Variants in ABCC9 observed in about 807,000 individuals in gnomAD.
ABCC9 encodes ATP binding cassette subfamily C member 9, also known as ATP-binding cassette sub-family C member 9.
In ABCC9, 95 loss-of-function variants were observed where a neutral mutation model predicts 188.3. The observed-to-expected ratio is 0.50, with a 90% CI of 0.43 to 0.60. The LOEUF is 0.60. Among genes scored for constraint, ABCC9 ranks in the 20% least tolerant of loss-of-function variants. The pLI is 0.00. For synonymous variants in ABCC9, 659 were observed against 652.7 expected, an observed-to-expected ratio of 1.01 and a Z score of -0.15; for missense variants, 1,102 against 1,876.3, an observed-to-expected ratio of 0.59 and a Z score of 7.62.
intron 15 of ABCC9, 94 bp from the exon 16 acceptor site, chr12:21,882,967 G>T: frequency 2.2e-6 from 2 of 929,606 alleles, no homozygotes; most frequent in South Asian, 1.4e-5. Context: ...TAAGTTCCAA[G>T]AAAAAGAAGT....
intron 37 of ABCC9, among the ~76,000 whole-genome samples, chr12:21,808,642 C>T (rs988611972): frequency 8.6e-5 from 13 of 151,884 alleles, no homozygotes; most frequent in African/African-American, 2.9e-4. Flanking sequence ...TAGTGGGGCA[C>T]CTATAGTCCC....
chr12:21,926,699 C>A (rs750129665), intron 4 of ABCC9, among the ~76,000 whole-genome samples: 5 of 152,112 alleles, frequency 3.3e-5, no homozygotes, highest in African/African-American at 4.8e-5. Context: ...ACTGACACTT[C>A]AAGAATCAGG....
chr12:21,876,806 C>G (rs1485507281), intron 16 of ABCC9, among the ~76,000 whole-genome samples: 1 of 152,198 alleles, frequency 6.6e-6, no homozygotes, highest in Non-Finnish European at 1.5e-5. Flanking sequence ...TCTAAGCACA[C>G]TGTTGTTTAG....
intron 28 of ABCC9, 79 bp from the exon 29 acceptor site, chr12:21,842,550 A>G (rs1944447960): frequency 2.1e-6 from 3 of 1,430,298 alleles, no homozygotes; most frequent in Non-Finnish European, 3.0e-6. Flanking sequence ...ACCTATTTTT[A>G]TGTTGATAGT....
chr12:21,822,936 G>C (rs1943144651), intron 31 of ABCC9, among the ~76,000 whole-genome samples: 1 of 152,202 alleles, frequency 6.6e-6, no homozygotes, highest in East Asian at 1.9e-4. Flanking sequence ...AAATGGCTTA[G>C]AGGCAATAAA....
At chr12:21,876,661 C>T (rs1347583689) in intron 16 of ABCC9, among the ~76,000 whole-genome samples, 1 of 152,106 alleles carries the variant, frequency 6.6e-6, no homozygotes, top group Non-Finnish European at 1.5e-5. Flanking sequence ...GGAAATAAAA[C>T]AGTAACAGAA....
chr12:21,875,618 G>T, intron 17 of ABCC9, 36 bp downstream of exon 17: 1 of 1,463,952 alleles, frequency 6.8e-7, no homozygotes, highest in Non-Finnish European at 9.6e-7. Flanking sequence ...TTACGGTCAT[G>T]AACAATTACA....
intron 2 of ABCC9, among the ~76,000 whole-genome samples, chr12:21,940,492 A>T (rs1949647401): frequency 6.6e-6 from 1 of 152,206 alleles, no homozygotes; most frequent in African/African-American, 2.4e-5. Flanking sequence ...CCATGGCTAT[A>T]ACTATGACAG....
rs1258638898 is a variant in ABCC9, at chr12:21,882,941, TACTC to T, written c.1912-72_1912-69del. ...AAAAAATGAAGTTTTACTGAACACTTACTCACATTGCTACCTAAGTTCCAAGAAA... is the reference window on the plus strand; with the variant it reads ...AAAAAATGAAGTTTTACTGAACACTTACATTGCTACCTAAGTTCCAAGAAA... On this transcript the variant is annotated intron_variant, in intron 15 of 39. Coordinates refer to ENST00000261200, the MANE Select transcript of ABCC9 (RefSeq NM_020297.4). The T allele has an allele frequency of 8.0e-6, 9 of 1,131,398 alleles. No homozygotes were observed. The Admixed American group carries it at 1.2e-4, about 15-fold the overall frequency. 70.1% of individuals were successfully genotyped at this position (1,131,398 alleles called of 1,614,324 possible).
At chr12:21,818,362 C>A (rs944377469) in intron 31 of ABCC9, 111 bp from the exon 32 acceptor site, 1 of 832,892 alleles carries the variant, frequency 1.2e-6, no homozygotes, top group South Asian at 1.4e-5. Context: ...CCATGTGTGT[C>A]CTGTTAAGTT....
At chr12:21,855,168 T>A (rs1000498274) in intron 22 of ABCC9, among the ~76,000 whole-genome samples, 1 of 152,158 alleles carries the variant, frequency 6.6e-6, no homozygotes, top group African/African-American at 2.4e-5. Context: ...TGAAAATAAA[T>A]TTTTATAATA....
intron 29 of ABCC9, among the ~76,000 whole-genome samples, chr12:21,839,232 CAGA>C (rs1192436515): frequency 1.3e-5 from 2 of 152,184 alleles, no homozygotes; most frequent in Non-Finnish European, 2.9e-5. Context: ...GTGGGACAGT[CAGA>C]AGAAGCCCTA....
chr12:21,846,784 C>G (rs533489864), intron 25 of ABCC9, among the ~76,000 whole-genome samples: 4 of 152,074 alleles, frequency 2.6e-5, no homozygotes, highest in Non-Finnish European at 5.9e-5. Context: ...CTAGCTGTCT[C>G]CCCAATACCC....
chr12:21,905,115 C>A (rs562671759), intron 12 of ABCC9, among the ~76,000 whole-genome samples: 53 of 151,902 alleles, frequency 3.5e-4, no homozygotes, highest in African/African-American at 1.3e-3. Flanking sequence ...AGGATGAGTT[C>A]ATGTAGGGAC....
At chr12:21,807,809 A>G (rs1206431086) in intron 37 of ABCC9, among the ~76,000 whole-genome samples, 2 of 152,236 alleles carry the variant, frequency 1.3e-5, no homozygotes, top group Non-Finnish European at 2.9e-5. Context: ...TAAGGCCCAG[A>G]GAGCTGAAAT....
Position 21,805,214 on chromosome 12 carries a change from T to C in ABCC9, c.4512+784A>G, listed in dbSNP as rs148547035. ...CACCAAAGTGGAAAAGAGGCCATTC[T>C]TGTGGGCGAGCAAATTTGGGACAGT... On this transcript the variant is annotated intron_variant, in intron 39 of 39. Transcript: ENST00000261200. 5.0e-6 allele frequency: 8 copies of C among 1,613,974 alleles called. No homozygotes were observed. The African/African-American group carries it at 1.1e-4, about 22-fold the overall frequency.
chr12:21,919,946 T>G (rs1225474899), intron 5 of ABCC9, among the ~76,000 whole-genome samples: 1 of 152,012 alleles, frequency 6.6e-6, no homozygotes, highest in Non-Finnish European at 1.5e-5. Flanking sequence ...TGTTACTTTA[T>G]TTGAAAAACA....
At chr12:21,839,737 T>C (rs1944283980) in intron 29 of ABCC9, among the ~76,000 whole-genome samples, 1 of 152,192 alleles carries the variant, frequency 6.6e-6, no homozygotes, top group Non-Finnish European at 1.5e-5. Flanking sequence ...ACTGAACGGA[T>C]GAACATGGTT....
intron 16 of ABCC9, 107 bp downstream of exon 16, chr12:21,882,659 G>T: frequency 9.7e-7 from 1 of 1,029,574 alleles, no homozygotes; most frequent in Non-Finnish European, 1.5e-6. Flanking sequence ...AATGACAACT[G>T]TAAAAACAAT....
Sources: gnomAD v4.1 joint callset for allele counts (sites outside exome capture counted in the v4.1 genomes callset) on GRCh38, gnomAD v4.1.1 for gene constraint, MANE v1.5 for transcripts, NCBI Gene and HGNC (gene_info 2026-07-23, HGNC 2026-07-21) for gene names.